Variants in LRRN1 observed in about 807,000 individuals in gnomAD.
LRRN1 encodes the protein leucine-rich repeat neuronal protein 1.
LRRN1 carries 14 observed loss-of-function variants against 45.8 expected under a neutral mutation model. The observed-to-expected ratio is 0.31, with a 90% CI of 0.20 to 0.48. The LOEUF (loss-of-function observed/expected upper bound fraction) is 0.48, where lower values mean the gene tolerates loss of function less well. Ranked by LOEUF, LRRN1 falls within the 20% of genes least tolerant of loss-of-function variation. The probability of loss-of-function intolerance (pLI) is 0.99; values close to 1 mark genes in which losing one functional copy is unlikely to be tolerated. For synonymous variants in LRRN1, 359 were observed against 330.1 expected (o/e 1.09, Z -0.95); for missense variants, 789 against 874.2 (o/e 0.90, Z 1.23).
Position 3,845,786 on chromosome 3 carries a change from T to A in LRRN1, c.1145T>A (p.Ile382Asn). 1 of 1,614,112 alleles carries A rather than the reference T, an allele frequency of 6.2e-7. No individual in the cohort carries two copies. Among genetic ancestry groups the A allele is most frequent in the Non-Finnish European group, 8.5e-7 (1 of 1,180,014 alleles). ...AGGTGTGACTGTGTGATCCACTGGA[T>A]TAACTCCAACAAAACCAACATCCGC... The part of the protein sequence containing the change: ...PLRCDCVIHW[I>N]NSNKTNIRFM... Residue 382 changes from isoleucine to asparagine, a missense_variant, in exon 2 of 2, where the codon ATT (isoleucine) becomes AAT (asparagine). Ile to Asn is a moderately radical substitution (Grantham distance 149). Transcript: ENST00000319331. This position sits in a 1 kb window ranked among gnomAD's most constrained non-coding sequence, Gnocchi z 6.5.
chr3:3,814,187 C>G (rs1692940209), intron 1 of LRRN1, among the ~76,000 whole-genome samples: 1 of 146,978 alleles, frequency 6.8e-6, no homozygotes, highest in Non-Finnish European at 1.5e-5. Context: ...TTCTCCCTAT[C>G]TAGTGTGCCT....
At position 3,847,853 on chromosome 3, in the gene LRRN1, G is replaced by A. The variant is rs1381286490; in HGVS notation, c.*1061G>A. The A allele has an allele frequency of 6.1e-6, 1 of 164,594 alleles. No individual in the cohort carries two copies. The highest frequency in any genetic ancestry group is 1.5e-5 in the Non-Finnish European group (1 of 68,076). 10.2% of individuals were successfully genotyped at this position (164,594 alleles called of 1,614,324 possible). On this transcript the variant is annotated 3_prime_UTR_variant, in exon 2 of 2. Transcript: ENST00000319331. ...TACTGACTAGCACCTAATGGGCAGTGGGAGGGTGGTTCATATGAAGAAAAA... is the reference window on the plus strand; with the variant it reads ...TACTGACTAGCACCTAATGGGCAGTAGGAGGGTGGTTCATATGAAGAAAAA...
rs1303058183 is a variant in LRRN1 at position 3,835,761 on chromosome 3, G to A, written c.-278-8603G>A. Reference sequence around the variant, plus strand: ...TATCCTATCTGACACAATGCTATGGGGAAAGTGAGAGTCTCCGCCAAGTGC... The same window carrying A: ...TATCCTATCTGACACAATGCTATGGAGAAAGTGAGAGTCTCCGCCAAGTGC... On this transcript the variant is annotated intron_variant, in intron 1 of 1. Transcript: ENST00000319331. Among the ~76,000 whole-genome samples the A allele has an allele frequency of 2.6e-5, 4 of 152,050 alleles. No homozygotes were observed. The South Asian group carries it at 8.3e-4, about 32-fold the overall frequency.
chr3:3,846,506 A>G lies in LRRN1; in HGVS notation c.1865A>G (p.Asp622Gly), dbSNP rs767831843. The G allele has an allele frequency of 1.9e-6, 3 of 1,614,066 alleles. No homozygotes were observed. Among genetic ancestry groups the G allele is most frequent in the Admixed American group, 3.3e-5 (2 of 60,006 alleles). ...ACCAAAAATGCCGCCTTCGCAGTGG[A>G]CATCTCTGATCAAGAAACCAGTACA... Reference protein sequence around the residue: ...VTTKNAAFAVDISDQETSTAL... With the variant: ...VTTKNAAFAVGISDQETSTAL... Residue 622 changes from aspartate (D) to glycine (G), a missense_variant, in exon 2 of 2, where the codon GAC (aspartate) becomes GGC (glycine). By Grantham distance (94) the Asp-to-Gly change is moderately conservative. Transcript: ENST00000319331. This position sits in a 1 kb window ranked among gnomAD's most constrained non-coding sequence, Gnocchi z 5.7.
Position 3,849,136 on chromosome 3 carries a change from A to G in LRRN1, c.*2344A>G, listed in dbSNP as rs182736051. 1.6e-4 allele frequency among the ~76,000 whole-genome samples: 25 copies of G among 152,318 alleles called. 6 individuals are homozygous for G. The highest frequency in any genetic ancestry group is 2.6e-4 in the Admixed American group (4 of 15,300). ...TGCATTAGACCCTCAGCAGCCTGCA[A>G]TTGCAAATCTGCGAGGTTTCATTCG... is the stretch of plus-strand genomic sequence containing the variant. On this transcript the variant is annotated 3_prime_UTR_variant, in exon 2 of 2. Transcript: ENST00000319331.
chr3:3,804,215 T>A (rs879255917), intron 1 of LRRN1: 3 of 152,236 alleles, frequency 2.0e-5, no homozygotes, highest in Non-Finnish European at 2.9e-5. Flanking sequence ...TGGATGATCT[T>A]GGATCAGTTG....
chr3:3,835,653 CT>C (rs1693494599), intron 1 of LRRN1, among the ~76,000 whole-genome samples: 1 of 129,506 alleles, frequency 7.7e-6, no homozygotes, highest in Non-Finnish European at 1.6e-5. Context: ...GTATATATTT[CT>C]TTTTGCCCAA....
chr3:3,843,644 C>T (rs949775154), intron 1 of LRRN1, among the ~76,000 whole-genome samples: 13 of 151,620 alleles, frequency 8.6e-5, no homozygotes, highest in Admixed American at 5.3e-4. Context: ...ATTCTGGATA[C>T]TTTGTATATG....
intron 1 of LRRN1, among the ~76,000 whole-genome samples, chr3:3,813,089 CT>C (rs1021380191): frequency 6.6e-6 from 1 of 152,186 alleles, no homozygotes; most frequent in African/African-American, 2.4e-5. Flanking sequence ...AAACATTTCT[CT>C]TGCTTGGCAT....
rs1473292362 is a variant in LRRN1 at position 3,848,746 on chromosome 3, C to T, written c.*1954C>T. On this transcript the variant is annotated 3_prime_UTR_variant, in exon 2 of 2. Transcript: ENST00000319331. ...GGGAGGGCTTGCAGCTTACCCAGTT[C>T]GGACTCCTGCCAGTTCAGCGCTCTG... Among the ~76,000 whole-genome samples the T allele has an allele frequency of 3.3e-5, 5 of 152,108 alleles. No individual in the cohort carries two copies. Among genetic ancestry groups the T allele is most frequent in the Admixed American group, 6.6e-5 (1 of 15,264 alleles).
chr3:3,841,303 A>AAAC (rs1559308803), intron 1 of LRRN1, among the ~76,000 whole-genome samples: 4 of 150,542 alleles, frequency 2.7e-5, no homozygotes, highest in South Asian at 2.1e-4. Context: ...AAAAAAAAAA[A>AAAC]AAAAATTAGT....
intron 1 of LRRN1, among the ~76,000 whole-genome samples, chr3:3,820,969 C>T (rs950697225): frequency 3.9e-5 from 6 of 152,332 alleles, no homozygotes; most frequent in Non-Finnish European, 5.9e-5. Flanking sequence ...TCCTCTGAGC[C>T]TGTGAGTGGT....
In LRRN1 at chr3:3,844,784, C is replaced by T; in HGVS notation, c.143C>T (p.Ser48Leu). ...ATTCGTCCCTGGTTTACCCCACAGT[C>T]AACTTACAGAGAAGCCACCACTGTT... ...CEIRPWFTPQ[S>L]TYREATTVDC... Residue 48 changes from serine to leucine, a missense_variant, in exon 2 of 2, where the codon TCA becomes TTA. Transcript: ENST00000319331. The T allele has an allele frequency of 6.2e-7, 1 of 1,614,164 alleles. No individual in the cohort carries two copies. Among genetic ancestry groups the T allele is most frequent in the East Asian group, 2.2e-5 (1 of 44,880 alleles).
intron 1 of LRRN1, among the ~76,000 whole-genome samples, chr3:3,817,499 C>G (rs189924952): frequency 6.6e-6 from 1 of 152,294 alleles, no homozygotes; most frequent in Non-Finnish European, 1.5e-5. Flanking sequence ...AATGTATGCA[C>G]ACTTCTGTAC....
At chr3:3,833,632 CAGGG>C (rs976529255) in intron 1 of LRRN1, among the ~76,000 whole-genome samples, 14 of 152,160 alleles carry the variant, frequency 9.2e-5, no homozygotes, top group African/African-American at 3.1e-4. Flanking sequence ...TAGAAGCAAA[CAGGG>C]GTATTAGGGG....
At chr3:3,820,679 C>T (rs751626408) in intron 1 of LRRN1, among the ~76,000 whole-genome samples, 9 of 152,150 alleles carry the variant, frequency 5.9e-5, no homozygotes, top group Admixed American at 6.5e-5. Context: ...GCTTTGTTCT[C>T]GCAGGTATAG....
chr3:3,823,380 T>A (rs1693145343), intron 1 of LRRN1, among the ~76,000 whole-genome samples: 1 of 151,646 alleles, frequency 6.6e-6, no homozygotes, highest in Non-Finnish European at 1.5e-5. Flanking sequence ...AGTACCTAGC[T>A]CCTGGGGATG....
intron 1 of LRRN1, among the ~76,000 whole-genome samples, chr3:3,813,290 G>C (rs1428943630): frequency 6.6e-6 from 1 of 152,182 alleles, no homozygotes; most frequent in Non-Finnish European, 1.5e-5. Context: ...TCAGTGGAGA[G>C]ATGTACTTTT....
At chr3:3,833,394 C>T (rs146406916) in intron 1 of LRRN1, among the ~76,000 whole-genome samples, 57 of 152,328 alleles carry the variant, frequency 3.7e-4, no homozygotes, top group African/African-American at 7.2e-4. Context: ...ACATTAAATG[C>T]AGAGTTCCTA....
Sources: allele counts gnomAD v4.1 joint callset (sites outside exome capture counted in the v4.1 genomes callset), GRCh38; gene constraint gnomAD v4.1.1; non-coding constraint Gnocchi (gnomAD v3.1); transcripts MANE v1.5; gene names NCBI Gene and HGNC (gene_info 2026-07-23, HGNC 2026-07-21).